ASIC2: variants seen among roughly 807,000 people sequenced by gnomAD.
ASIC2 encodes acid sensing ion channel subunit 2.
Under a neutral mutation model 57.3 loss-of-function variants are expected in ASIC2, and 25 were observed. The ratio of observed to expected loss-of-function variants is 0.44; its 90% confidence interval spans 0.32 to 0.61. ASIC2 has a LOEUF of 0.61. ASIC2 is among the 20% of genes least tolerant of loss of function. The probability of loss-of-function intolerance (pLI) is 0.06; values close to 1 mark genes in which losing one functional copy is unlikely to be tolerated. For missense variants in ASIC2, 641 were observed against 738.1 expected, an observed-to-expected ratio of 0.87 and a Z score of 1.52; for synonymous variants, 319 against 307.5, an observed-to-expected ratio of 1.04 and a Z score of -0.39.
intron 1 of ASIC2, among the ~76,000 whole-genome samples, chr17:34,074,404 T>G: frequency 6.6e-6 from 1 of 152,192 alleles, no homozygotes; most frequent in Non-Finnish European, 1.5e-5. Flanking sequence ...GATCTGAACC[T>G]GGGTCATTTT....
intron 1 of ASIC2, among the ~76,000 whole-genome samples, chr17:33,130,786 T>C (rs1423914901): frequency 6.6e-6 from 1 of 152,116 alleles, no homozygotes; most frequent in Admixed American, 6.6e-5. Flanking sequence ...CAGGAGGTGC[T>C]GAAGGTGGAG....
intron 1 of ASIC2, among the ~76,000 whole-genome samples, chr17:33,406,190 A>T (rs1268377236): frequency 6.6e-6 from 1 of 152,152 alleles, no homozygotes; most frequent in Non-Finnish European, 1.5e-5. Flanking sequence ...TGTGAGTATA[A>T]TTGATATAGG....
chr17:33,094,086 G>T (rs538662756), intron 2 of ASIC2, among the ~76,000 whole-genome samples: 1 of 152,186 alleles, frequency 6.6e-6, no homozygotes, highest in Non-Finnish European at 1.5e-5. Flanking sequence ...GATAGCTTCT[G>T]TTTGCACCCC....
intron 1 of ASIC2, among the ~76,000 whole-genome samples, chr17:33,582,221 C>T (rs571193780): frequency 6.6e-6 from 1 of 152,232 alleles, no homozygotes; most frequent in African/African-American, 2.4e-5. Context: ...GACAGTAATG[C>T]GTTGTGAGCA....
chr17:33,898,806 T>C (rs901924512), intron 1 of ASIC2, among the ~76,000 whole-genome samples: 4 of 152,170 alleles, frequency 2.6e-5, no homozygotes, highest in African/African-American at 2.4e-5. Flanking sequence ...TCAATTATTT[T>C]ATAGACTGTC....
chr17:33,271,709 C>A (rs1364074406), intron 1 of ASIC2, among the ~76,000 whole-genome samples: 2 of 152,228 alleles, frequency 1.3e-5, no homozygotes, highest in African/African-American at 4.8e-5. Context: ...CCAGCATCTC[C>A]CATCTCAAGT....
chr17:33,117,367 G>A (rs1161747717), intron 1 of ASIC2, among the ~76,000 whole-genome samples: 1 of 151,914 alleles, frequency 6.6e-6, no homozygotes, highest in Admixed American at 6.6e-5. Context: ...GTAGAGACAA[G>A]GTTTCACCAT....
At chr17:33,654,627 A>G (rs569797605) in intron 1 of ASIC2, among the ~76,000 whole-genome samples, 1 of 152,314 alleles carries the variant, frequency 6.6e-6, no homozygotes, top group African/African-American at 2.4e-5. Flanking sequence ...TATCTCTTAG[A>G]GTCTTGAAGC....
In ASIC2 at chr17:33,299,206, A is replaced by AACCAAAACAGCATGGTACTGGT. The variant is rs566251509; in HGVS notation, c.556-187161_556-187140dup. Among the ~76,000 whole-genome samples, 621 of 152,328 alleles carry AACCAAAACAGCATGGTACTGGT rather than the reference A, an allele frequency of 4.1e-3. 5 individuals are homozygous for AACCAAAACAGCATGGTACTGGT. Among genetic ancestry groups the AACCAAAACAGCATGGTACTGGT allele is most frequent in the African/African-American group, 0.014 (591 of 41,540 alleles). On this transcript the variant is annotated intron_variant, in intron 1 of 9. Coordinates refer to the ASIC2 transcript ENST00000359872. ...TCAAACTATACTACAAGACTACAGT[A>AACCAAAACAGCATGGTACTGGT]ACCAAAACAGCATGGTACTGGTACC...
At chr17:33,787,887 T>G (rs149240202) in intron 1 of ASIC2, among the ~76,000 whole-genome samples, 210 of 152,336 alleles carry the variant, frequency 1.4e-3, no homozygotes, top group African/African-American at 4.7e-3. Context: ...AAACCCTTGA[T>G]GCTATTCTCC....
chr17:33,248,717 A>G (rs1001808850), intron 1 of ASIC2, among the ~76,000 whole-genome samples: 21 of 151,090 alleles, frequency 1.4e-4, no homozygotes, highest in African/African-American at 5.1e-4. Flanking sequence ...ACTCTCATCA[A>G]TCTCTATCTC....
At chr17:34,104,825 A>G (rs1274285576) in intron 1 of ASIC2, among the ~76,000 whole-genome samples, 1 of 138,762 alleles carries the variant, frequency 7.2e-6, no homozygotes, top group Non-Finnish European at 1.5e-5. Context: ...AATTGGTTAT[A>G]ATATTCTTTT....
chr17:33,526,036 G>A (rs994926447), intron 1 of ASIC2, among the ~76,000 whole-genome samples: 4 of 152,094 alleles, frequency 2.6e-5, no homozygotes, highest in African/African-American at 4.8e-5. Context: ...CTGATTCTGC[G>A]AGCCTTCACC....
At chr17:33,490,256 T>C (rs368754868) in intron 1 of ASIC2, among the ~76,000 whole-genome samples, 97 of 152,400 alleles carry the variant, frequency 6.4e-4, no homozygotes, top group African/African-American at 2.1e-3. Context: ...AATAGTTTGC[T>C]AACCCTTGAT....
At chr17:34,113,400 G>C (rs543388896) in intron 1 of ASIC2, among the ~76,000 whole-genome samples, 1 of 151,840 alleles carries the variant, frequency 6.6e-6, no homozygotes, top group East Asian at 1.9e-4. Context: ...GTCTCTACTA[G>C]AAATCAAAAA....
intron 1 of ASIC2, among the ~76,000 whole-genome samples, chr17:33,421,679 G>A (rs1911049808): frequency 6.6e-6 from 1 of 152,226 alleles, no homozygotes; most frequent in African/African-American, 2.4e-5. Context: ...GTTTATGGTA[G>A]GGCCAGGAAG....
intron 1 of ASIC2, among the ~76,000 whole-genome samples, chr17:33,380,850 G>A (rs760948095): frequency 3.3e-5 from 5 of 152,188 alleles, no homozygotes; most frequent in Admixed American, 3.3e-4. Context: ...GCCTCTGAAA[G>A]GTCCAGTCTC....
intron 1 of ASIC2, among the ~76,000 whole-genome samples, chr17:33,183,005 T>G (rs531226160): frequency 1.3e-5 from 2 of 152,326 alleles, no homozygotes; most frequent in Admixed American, 6.5e-5. Context: ...GTGCACAGCT[T>G]TCATTAACAG....
At chr17:33,346,289 G>A (rs1907946526) in intron 1 of ASIC2, among the ~76,000 whole-genome samples, 1 of 143,554 alleles carries the variant, frequency 7.0e-6, no homozygotes, top group South Asian at 2.3e-4. Context: ...AGACACCTAT[G>A]TACATTTTCC....
Sources: gnomAD v4.1 joint callset for allele counts (sites outside exome capture counted in the v4.1 genomes callset) on GRCh38, gnomAD v4.1.1 for gene constraint, MANE v1.5 for transcripts, NCBI Gene and HGNC (gene_info 2026-07-23, HGNC 2026-07-21) for gene names.